The following FCHO1 variants were observed in gnomAD, a reference collection of about 807,000 sequenced individuals.
The protein encoded by FCHO1 is F-BAR domain only protein 1.
A neutral mutation model predicts 114.4 loss-of-function variants in FCHO1; 45 were observed. The ratio of observed to expected loss-of-function variants is 0.39; its 90% confidence interval spans 0.31 to 0.50. The LOEUF (loss-of-function observed/expected upper bound fraction) is 0.50, where lower values mean the gene tolerates loss of function less well. FCHO1 is among the 20% of genes least tolerant of loss of function. FCHO1 has a pLI of 0.77. For missense variants in FCHO1, 1,042 were observed against 1,209.6 expected (o/e 0.86, Z 2.06); for synonymous variants, 480 against 488.9 (o/e 0.98, Z 0.24).
intron 9 of FCHO1, among the ~76,000 whole-genome samples, chr19:17,771,920 C>G (rs1333536014): frequency 6.6e-6 from 1 of 152,060 alleles, no homozygotes; most frequent in Non-Finnish European, 1.5e-5. Flanking sequence ...TCAAGTGATT[C>G]TCCTGCCTCA....
chr19:17,768,064 T>G (rs988409910), intron 7 of FCHO1, among the ~76,000 whole-genome samples: 1 of 151,956 alleles, frequency 6.6e-6, no homozygotes, highest in Non-Finnish European at 1.5e-5. Context: ...TTTGTTTTTG[T>G]TTTGTTTTGT....
Position 17,772,495 on chromosome 19 carries a change from GAAGGC to G in FCHO1, c.635_639del (p.Lys212ThrfsTer21). 6.2e-7 allele frequency: 1 copy of G among 1,614,150 alleles called. No homozygotes were observed. Among genetic ancestry groups the G allele is most frequent in the Non-Finnish European group, 8.5e-7 (1 of 1,180,028 alleles). On this transcript the variant is annotated frameshift_variant, in exon 10 of 29. Coordinates refer to ENST00000596536, the MANE Select transcript of FCHO1 (RefSeq NM_015122.3). LOFTEE classifies it high-confidence loss of function. ...TGGAGGAGACACACCTGAGGCACAT[GAAGGC>G]ACTGCTGGGCTCATATGCTCACTCG...
At chr19:17,756,952 G>T (rs924034602) in intron 4 of FCHO1, among the ~76,000 whole-genome samples, 2 of 152,116 alleles carry the variant, frequency 1.3e-5, no homozygotes, top group African/African-American at 4.8e-5. Context: ...ACTTTGGGAG[G>T]CCGAGGGAGG....
intron 9 of FCHO1, 54 bp downstream of exon 9, chr19:17,770,950 G>A (rs1455691803): frequency 3.4e-6 from 5 of 1,478,258 alleles, no homozygotes; most frequent in Non-Finnish European, 3.8e-6. Context: ...TGCCCTGGAG[G>A]TTATGGACTG....
chr19:17,777,533 CTCAAAA>C (rs2092788053), intron 18 of FCHO1, among the ~76,000 whole-genome samples: 1 of 88,308 alleles, frequency 1.1e-5, no homozygotes, highest in African/African-American at 5.7e-5. Context: ...GAAACTCCGT[CTCAAAA>C]AAAAAAAAAA....
upstream of FCHO1, chr19:17,747,803 C>G (rs2080881199): frequency 6.6e-6 from 1 of 152,126 alleles, no homozygotes; most frequent in African/African-American, 2.4e-5. Context: ...GGGCTCGGCC[C>G]GAGCTCAGGA....
chr19:17,781,906 C>T (rs939145816), intron 23 of FCHO1, 86 bp downstream of exon 23: 1 of 914,922 alleles, frequency 1.1e-6, no homozygotes, highest in African/African-American at 1.7e-5. Flanking sequence ...GCTTCATGGT[C>T]TGTCTTATAG....
chr19:17,778,196 T>G lies in FCHO1; in HGVS notation c.1319T>G (p.Leu440Arg), dbSNP rs1287446524. Residue 440 changes from leucine (L) to arginine (R), a missense_variant, in exon 19 of 29, where the codon CTG becomes CGG. Transcript: ENST00000596536. Reference sequence around the variant, plus strand: ...TCCAAGAACCTCTTTGGGCCGCCCCTGGAGTCAGCCTTTGACCACGAAGAT... The same window carrying G: ...TCCAAGAACCTCTTTGGGCCGCCCCGGGAGTCAGCCTTTGACCACGAAGAT... Reference protein sequence around the residue: ...QVSKNLFGPPLESAFDHEDFT... With the variant: ...QVSKNLFGPPRESAFDHEDFT... 1 of 1,613,818 alleles carries G rather than the reference T, an allele frequency of 6.2e-7. No homozygotes were observed. The highest frequency in any genetic ancestry group is 1.7e-5 in the Admixed American group (1 of 59,996).
intron 20 of FCHO1, among the ~76,000 whole-genome samples, chr19:17,779,420 C>T (rs2093087003): frequency 6.6e-6 from 1 of 151,612 alleles, no homozygotes; most frequent in South Asian, 2.1e-4. Context: ...GGAGTGAGGG[C>T]AGAAACCAGA....
At chr19:17,778,922 C>T in intron 20 of FCHO1, 38 bp downstream of exon 20, 1 of 1,491,970 alleles carries the variant, frequency 6.7e-7, no homozygotes, top group Admixed American at 2.3e-5. Flanking sequence ...GTTGCTGGAA[C>T]CCTGGGCGGG....
upstream of FCHO1, chr19:17,747,826 C>T (rs1476398496): frequency 1.3e-5 from 2 of 152,160 alleles, no homozygotes; most frequent in African/African-American, 4.8e-5. Context: ...TGAGTGTTGC[C>T]CCCCGGAACC....
rs938296548 is a variant in FCHO1 at position 17,772,837 on chromosome 19, A to G, written c.790+96A>G. The G allele has an allele frequency of 2.7e-5, 24 of 890,912 alleles. No homozygotes were observed. In the Admixed American group the frequency reaches 5.5e-4, roughly 21 times the overall value. The allele number at this position is 890,912 out of a possible 1,614,324, so 55.2% of individuals were successfully genotyped here. A position where few individuals can be genotyped will look rare whatever the true frequency, so the allele number is the denominator to read the frequency against. On this transcript the variant is annotated intron_variant, in intron 11 of 28. Coordinates refer to ENST00000596536, the MANE Select transcript of FCHO1 (RefSeq NM_015122.3). The stretch of plus-strand genomic sequence containing the variant: ...CAGCTAATTTTTTTTTTATTTTTTT[A>G]TTTTTAATAGAGACGAGGTTTCACC...
At chr19:17,757,562 C>A (rs997704669) in intron 4 of FCHO1, among the ~76,000 whole-genome samples, 16 of 152,128 alleles carry the variant, frequency 1.1e-4, no homozygotes, top group South Asian at 6.2e-4. Flanking sequence ...CCCAAAGTGA[C>A]CCTGTACGTA....
At chr19:17,780,581 G>A (rs1329152531) in intron 20 of FCHO1, among the ~76,000 whole-genome samples, 1 of 152,180 alleles carries the variant, frequency 6.6e-6, no homozygotes, top group African/African-American at 2.4e-5. Context: ...GCATTCAGTG[G>A]GTGGAGGCCT....
upstream of FCHO1, among the ~76,000 whole-genome samples, chr19:17,749,997 G>C (rs2081504692): frequency 6.6e-6 from 1 of 152,168 alleles, no homozygotes; most frequent in African/African-American, 2.4e-5. Context: ...CAAGACGTCA[G>C]CGGCTCCGGA....
At chr19:17,769,799 T>G (rs1218259365) in intron 7 of FCHO1, among the ~76,000 whole-genome samples, 2 of 152,148 alleles carry the variant, frequency 1.3e-5, no homozygotes, top group African/African-American at 4.8e-5. Context: ...CTGGCTTACC[T>G]CTTACAACTT....
At chr19:17,769,312 C>T (rs1470978707) in intron 7 of FCHO1, among the ~76,000 whole-genome samples, 1 of 137,580 alleles carries the variant, frequency 7.3e-6, no homozygotes, top group Non-Finnish European at 1.5e-5. Flanking sequence ...CACGGTGGCT[C>T]AAGCCTGTAA....
Position 17,784,990 on chromosome 19 carries a change from G to GA in FCHO1, c.2426+67dup. Reference sequence around the variant, plus strand: ...CCCCATAACCCCAGACCTTCTCCCTGATGCATTGATTAAAGGGTGCACCCT... The same window carrying GA: ...CCCCATAACCCCAGACCTTCTCCCTGAATGCATTGATTAAAGGGTGCACCCT... On this transcript the variant is annotated intron_variant, in intron 26 of 28. Coordinates refer to ENST00000596536, the MANE Select transcript of FCHO1 (RefSeq NM_015122.3). The surrounding 1 kb of genome is among the most constrained non-coding windows in gnomAD (Gnocchi z 5.3). 6.7e-7 allele frequency: 1 copy of GA among 1,501,080 alleles called. No individual in the cohort carries two copies. 93.0% of individuals were successfully genotyped at this position (1,501,080 alleles called of 1,614,324 possible).
rs199761608 is a variant in FCHO1, at chr19:17,776,043, G to A, written c.1064G>A (p.Arg355His). The change falls in exon 16 of 29, where the codon CGC (arginine) becomes CAC (histidine). Residue 355 changes from arginine (R) to histidine (H), a missense_variant. Physicochemically the swap from Arg to His is conservative, Grantham distance 29. This residue lies in a region of FCHO1 where 450 missense variants were observed against 564.1 expected (regional missense o/e 0.80). Transcript: ENST00000596536. This position sits in a 1 kb window ranked among gnomAD's most constrained non-coding sequence, Gnocchi z 4.4. ...SDSDFDDEEP[R>H]KFYVHIKPAP... ...TCCGACTTCGACGATGAAGAGCCCC[G>A]CAAGTTCTATGTGCACATCAAGCCT... is the stretch of plus-strand genomic sequence containing the variant. 503 of 1,610,312 alleles carry A rather than the reference G, an allele frequency of 3.1e-4. 4 individuals are homozygous for A. Among genetic ancestry groups the A allele is most frequent in the Non-Finnish European group, 5.4e-5 (64 of 1,179,986 alleles).
Sources: gnomAD v4.1 joint callset for allele counts (sites outside exome capture counted in the v4.1 genomes callset) on GRCh38, gnomAD v4.1.1 for gene constraint, gnomAD v4.1.1 regional missense constraint, Gnocchi (gnomAD v3.1) non-coding constraint, MANE v1.5 for transcripts, NCBI Gene and HGNC (gene_info 2026-07-23, HGNC 2026-07-21) for gene names.